Variants in CYTH1 observed in about 807,000 individuals in gnomAD.
CYTH1 encodes the protein cytohesin 1, also known as cytohesin-1.
CYTH1 carries 18 observed loss-of-function variants against 61.8 expected under a neutral mutation model. The observed-to-expected ratio is 0.29, with a 90% CI of 0.20 to 0.43. The LOEUF is 0.43. CYTH1 is among the 20% of genes least tolerant of loss of function. The pLI is 1.00. For missense variants in CYTH1, 336 were observed against 510.5 expected, an observed-to-expected ratio of 0.66 and a Z score of 3.29; for synonymous variants, 174 against 184.3, an observed-to-expected ratio of 0.94 and a Z score of 0.45.
intron 13 of CYTH1, chr17:78,678,205 A>C (rs1321099350): frequency 6.6e-6 from 1 of 152,258 alleles, no homozygotes; most frequent in Non-Finnish European, 1.5e-5. Flanking sequence ...AAAAATGCTT[A>C]GTTTTTCTGA....
chr17:78,779,862 T>C (rs2093509638), intron 1 of CYTH1, among the ~76,000 whole-genome samples: 1 of 152,180 alleles, frequency 6.6e-6, no homozygotes, highest in South Asian at 2.1e-4. Context: ...CTAAAACAAA[T>C]GTTATGTTGT....
intron 1 of CYTH1, among the ~76,000 whole-genome samples, chr17:78,725,610 T>G (rs1482907104): frequency 1.3e-5 from 2 of 152,154 alleles, no homozygotes; most frequent in Non-Finnish European, 2.9e-5. Flanking sequence ...GAAGACTCAG[T>G]CATCATGTGC....
At chr17:78,727,081 G>C (rs908583127) in intron 1 of CYTH1, among the ~76,000 whole-genome samples, 1 of 152,206 alleles carries the variant, frequency 6.6e-6, no homozygotes, top group Admixed American at 6.5e-5. Context: ...TTCTAAAGCG[G>C]AAAATGAGGC....
At chr17:78,767,897 C>A (rs537663458) in intron 1 of CYTH1, among the ~76,000 whole-genome samples, 2 of 152,060 alleles carry the variant, frequency 1.3e-5, no homozygotes, top group African/African-American at 4.8e-5. Flanking sequence ...AATCTTAGGG[C>A]TGTTGGAAAT....
rs568636100 is a variant in CYTH1 at position 78,719,429 on chromosome 17, G to GA, written c.23-9698dup. Among the ~76,000 whole-genome samples, 123 of 150,266 alleles carry GA rather than the reference G, an allele frequency of 8.2e-4. 1 individual carries two copies. Among genetic ancestry groups the GA allele is most frequent in the East Asian group, 7.8e-4 (4 of 5,132 alleles). ...CAACTGCAGGTAAGGCAGCAAACAA[G>GA]AAAAAAAAACAGTCGAGGAGTCAAA... is the stretch of plus-strand genomic sequence containing the variant. On this transcript the variant is annotated intron_variant, in intron 1 of 13. Transcript: ENST00000446868.
At chr17:78,685,600 G>A (rs962232991) in intron 11 of CYTH1, among the ~76,000 whole-genome samples, 1 of 152,116 alleles carries the variant, frequency 6.6e-6, no homozygotes, top group African/African-American at 2.4e-5. Flanking sequence ...TTTAGTATTA[G>A]TTGTATATTT....
At chr17:78,758,072 C>A (rs1297064881) in intron 1 of CYTH1, among the ~76,000 whole-genome samples, 1 of 152,106 alleles carries the variant, frequency 6.6e-6, no homozygotes, top group Admixed American at 6.5e-5. Context: ...AGTTAAACTC[C>A]CTAACCCAGT....
At chr17:78,676,632 C>T (rs183161598) in intron 13 of CYTH1, 13 of 278,796 alleles carry the variant, frequency 4.7e-5, no homozygotes, top group South Asian at 2.8e-4. Context: ...AAGCCCCCCA[C>T]GTGCACCTGC....
At chr17:78,707,079 G>C (rs1347683421) in intron 3 of CYTH1, among the ~76,000 whole-genome samples, 1 of 152,118 alleles carries the variant, frequency 6.6e-6, no homozygotes, top group Non-Finnish European at 1.5e-5. Flanking sequence ...TTTAAGCTAC[G>C]AGTGTTTAAA....
intron 1 of CYTH1, among the ~76,000 whole-genome samples, chr17:78,740,851 A>G (rs1204073684): frequency 6.6e-6 from 1 of 152,234 alleles, no homozygotes; most frequent in Non-Finnish European, 1.5e-5. Context: ...TATAACATCA[A>G]TCCCAAACAG....
At chr17:78,679,304 CATGG>C (rs1393210718) in intron 13 of CYTH1, among the ~76,000 whole-genome samples, 2 of 152,212 alleles carry the variant, frequency 1.3e-5, no homozygotes, top group Non-Finnish European at 2.9e-5. Context: ...GGTGAACTCT[CATGG>C]ATGAAGCACC....
chr17:78,698,731 G>A lies in CYTH1; in HGVS notation c.699+89C>T, dbSNP rs149316184. Reference sequence around the variant, plus strand: ...TAAAAGAGGAGACCCTTGATAAATTGTATGTTTTTTCTTCCTTCCTACAAA... The same window carrying A: ...TAAAAGAGGAGACCCTTGATAAATTATATGTTTTTTCTTCCTTCCTACAAA... On this transcript the variant is annotated intron_variant, in intron 8 of 13. Transcript: ENST00000446868. 324 of 1,393,984 alleles carry A rather than the reference G, an allele frequency of 2.3e-4. 2 individuals are homozygous for A. The African/African-American group carries it at 4.6e-3, about 20-fold the overall frequency. 86.4% of individuals were successfully genotyped at this position (1,393,984 alleles called of 1,614,324 possible). A position where few individuals can be genotyped will look rare whatever the true frequency, so the allele number is the denominator to read the frequency against.
At chr17:78,758,488 C>T (rs2093410597) in intron 1 of CYTH1, among the ~76,000 whole-genome samples, 1 of 152,032 alleles carries the variant, frequency 6.6e-6, no homozygotes, top group Non-Finnish European at 1.5e-5. Context: ...GCAGATCACC[C>T]GAGGTCAGGA....
chr17:78,702,211 G>T lies in CYTH1; in HGVS notation c.267C>A (p.Leu89=). 6.2e-7 allele frequency: 1 copy of T among 1,614,140 alleles called. No individual in the cohort carries two copies. The highest frequency in any genetic ancestry group is 1.1e-5 in the South Asian group (1 of 91,068). ...CAATGTCTTCACAAGTGTTCTTCAG[G>T]AGGTCGTTCTCTATTAAGAACTGGA... ...KGIQFLIEND[L]LKNTCEDIAQ... The change falls in exon 5 of 14, where the codon CTC becomes CTA. Residue 89 remains leucine (L), a synonymous_variant. Coordinates refer to ENST00000446868, the MANE Select transcript of CYTH1 (RefSeq NM_004762.6).
intron 1 of CYTH1, among the ~76,000 whole-genome samples, chr17:78,711,104 T>C (rs1049071816): frequency 1.3e-4 from 19 of 151,256 alleles, no homozygotes; most frequent in African/African-American, 4.4e-4. Flanking sequence ...CTACTAAAAA[T>C]ACAAAAAATT....
At chr17:78,691,282 C>T (rs1477236139) in intron 11 of CYTH1, 3 of 152,222 alleles carry the variant, frequency 2.0e-5, no homozygotes, top group Non-Finnish European at 4.4e-5. Context: ...TGATGGGCTA[C>T]GAAGTGCATT....
intron 1 of CYTH1, among the ~76,000 whole-genome samples, chr17:78,777,828 T>C (rs962360518): frequency 5.4e-5 from 4 of 73,722 alleles, no homozygotes; most frequent in African/African-American, 2.3e-4. Context: ...CTATTAAAAA[T>C]ACAAAAAAAA....
At chr17:78,776,113 C>A (rs565081957) in intron 1 of CYTH1, among the ~76,000 whole-genome samples, 2 of 152,200 alleles carry the variant, frequency 1.3e-5, no homozygotes, top group East Asian at 3.9e-4. Flanking sequence ...TAAGATCACG[C>A]CACTGCACTT....
At chr17:78,703,431 A>AAAACTT (rs1598853221) in intron 3 of CYTH1, among the ~76,000 whole-genome samples, 1 of 151,790 alleles carries the variant, frequency 6.6e-6, no homozygotes, top group East Asian at 1.9e-4. Context: ...AAAAAAAAAA[A>AAAACTT]AAAACTTTAT....
Sources: gnomAD v4.1 joint callset for allele counts (sites outside exome capture counted in the v4.1 genomes callset) on GRCh38, gnomAD v4.1.1 for gene constraint, MANE v1.5 for transcripts, NCBI Gene and HGNC (gene_info 2026-07-23, HGNC 2026-07-21) for gene names.